Variants in PPP1R13B observed in about 807,000 individuals in gnomAD.
PPP1R13B encodes the protein apoptosis-stimulating of p53 protein 1.
Under a neutral mutation model 119.8 loss-of-function variants are expected in PPP1R13B, and 44 were observed. That is an observed-to-expected ratio of 0.37 (90% CI 0.29 to 0.47). The LOEUF (loss-of-function observed/expected upper bound fraction) is 0.47. PPP1R13B is among the 20% of genes least tolerant of loss of function. The probability of loss-of-function intolerance (pLI) is 0.99; values close to 1 mark genes in which losing one functional copy is unlikely to be tolerated. For synonymous variants in PPP1R13B, 542 were observed against 561.5 expected, an observed-to-expected ratio of 0.97 and a Z score of 0.49; for missense variants, 1,227 against 1,413.5, an observed-to-expected ratio of 0.87 and a Z score of 2.12.
Position 103,740,617 on chromosome 14 carries a change from C to A in PPP1R13B, c.1823-24G>T, listed in dbSNP as rs375483098. 6 of 1,484,562 alleles carry A rather than the reference C, an allele frequency of 4.0e-6. No individual in the cohort carries two copies. Among genetic ancestry groups the A allele is most frequent in the South Asian group, 1.4e-5 (1 of 71,532 alleles). 92.0% of individuals were successfully genotyped at this position (1,484,562 alleles called of 1,614,324 possible). A position where few individuals can be genotyped will look rare whatever the true frequency, so the allele number is the denominator to read the frequency against. ...CACTGGGGAAGACACAAAGGACAGGCAATTTTGACCTCACTACAGAGATCT... is the reference window on the plus strand; with the variant it reads ...CACTGGGGAAGACACAAAGGACAGGAAATTTTGACCTCACTACAGAGATCT... On this transcript the variant is annotated intron_variant, in intron 11 of 16. Coordinates refer to ENST00000202556, the MANE Select transcript of PPP1R13B (RefSeq NM_015316.3). The surrounding 1 kb of genome is among the most constrained non-coding windows in gnomAD (Gnocchi z 4.6).
In PPP1R13B at chr14:103,778,815, C is replaced by G; in HGVS notation, c.284G>C (p.Arg95Pro). 6.2e-7 allele frequency: 1 copy of G among 1,613,474 alleles called. No homozygotes were observed. Residue 95 changes from arginine (R) to proline (P), a missense_variant, in exon 4 of 17, where the codon CGT (arginine) becomes CCT (proline). Coordinates refer to ENST00000202556, the MANE Select transcript of PPP1R13B (RefSeq NM_015316.3). Reference protein sequence around the residue: ...SPTENSEQGGRQTQEQRTQRN... With the variant: ...SPTENSEQGGPQTQEQRTQRN... ...CTGAGTTCGTTGCTCTTGGGTCTGA[C>G]GGCCACCTAAAGAAATAAAAGAACC...
chr14:103,749,265 T>C (rs2084476959), intron 8 of PPP1R13B, among the ~76,000 whole-genome samples: 1 of 152,238 alleles, frequency 6.6e-6, no homozygotes, highest in Non-Finnish European at 1.5e-5. Context: ...TTACTACCTT[T>C]AAAATTCAGT....
Position 103,737,762 on chromosome 14 carries a change from A to C in PPP1R13B, c.2963T>G (p.Ile988Ser). Residue 988 changes from isoleucine to serine, a missense_variant, in exon 15 of 17, where the codon ATT (isoleucine) becomes AGT (serine). Physicochemically the swap from Ile to Ser is moderately radical, Grantham distance 142. Transcript: ENST00000202556. Reference sequence around the variant, plus strand: ...CTCACACTTGTCTGCAGCAGTTTCAATGTCGCTTATGGTTGAGGCAAAAAT... The same window carrying C: ...CTCACACTTGTCTGCAGCAGTTTCACTGTCGCTTATGGTTGAGGCAAAAAT... ...AAIFASTISD[I>S]ETAADKCEEM... 6.2e-7 allele frequency: 1 copy of C among 1,614,208 alleles called. No homozygotes were observed. The highest frequency in any genetic ancestry group is 1.1e-5 in the South Asian group (1 of 91,084).
At chr14:103,758,633 G>T (rs1464329427) in intron 4 of PPP1R13B, among the ~76,000 whole-genome samples, 1 of 152,172 alleles carries the variant, frequency 6.6e-6, no homozygotes, top group Non-Finnish European at 1.5e-5. Context: ...CCCCACTCTG[G>T]GTGAGGAGCT....
intron 4 of PPP1R13B, among the ~76,000 whole-genome samples, chr14:103,777,873 C>A (rs1022255384): frequency 1.3e-5 from 2 of 151,490 alleles, no homozygotes; most frequent in African/African-American, 4.9e-5. Context: ...TGACTCATGG[C>A]AGCCTCAAAC....
intron 1 of PPP1R13B, among the ~76,000 whole-genome samples, chr14:103,819,520 A>C (rs560053206): frequency 2.6e-5 from 4 of 151,968 alleles, no homozygotes; most frequent in South Asian, 2.1e-4. Context: ...AACAAACAAA[A>C]AAAAACAACA....
intron 4 of PPP1R13B, among the ~76,000 whole-genome samples, chr14:103,762,461 G>A (rs943377510): frequency 8.6e-6 from 1 of 116,726 alleles, no homozygotes; most frequent in African/African-American, 3.2e-5. Context: ...GGTGGGGGGA[G>A]GGGAGAGGGA....
chr14:103,749,877 A>G lies in PPP1R13B; in HGVS notation c.886T>C (p.Leu296=), dbSNP rs1004889156. The G allele has an allele frequency of 3.7e-6, 6 of 1,614,078 alleles. No individual in the cohort carries two copies. In the African/African-American group the frequency reaches 8.0e-5, roughly 22 times the overall value. ...NSKLQQQKEL[L]NKRNMEVAMM... is the part of the protein sequence containing the mutation. ...GCCACCTCCATGTTGCGCTTATTTA[A>G]GAGTTCCTTCTGCTGCTGAAGTTTT... Residue 296 remains leucine (L), a synonymous_variant, in exon 8 of 17, where the codon TTA becomes CTA. Coordinates refer to ENST00000202556, the MANE Select transcript of PPP1R13B (RefSeq NM_015316.3).
At chr14:103,795,386 A>C (rs722637) in intron 2 of PPP1R13B, among the ~76,000 whole-genome samples, 49,724 of 151,964 alleles carry the variant, frequency 0.33, 8,342 homozygotes, top group Non-Finnish European at 0.35. Flanking sequence ...GAGCATGTAC[A>C]AAAGCCACGG....
At chr14:103,737,610 A>C (rs1211429079) in intron 15 of PPP1R13B, 84 bp downstream of exon 15, 4 of 1,492,334 alleles carry the variant, frequency 2.7e-6, no homozygotes, top group Non-Finnish European at 3.6e-6. Context: ...AGCTGTGCTG[A>C]AGCTTCTCTG....
chr14:103,839,202 C>T (rs1031562242), intron 1 of PPP1R13B, among the ~76,000 whole-genome samples: 1 of 151,938 alleles, frequency 6.6e-6, no homozygotes, highest in Non-Finnish European at 1.5e-5. Context: ...TTAGTAGAGA[C>T]GGGATTTCAC....
At chr14:103,782,195 CAGAT>C (rs1353226624) in intron 3 of PPP1R13B, among the ~76,000 whole-genome samples, 2 of 152,126 alleles carry the variant, frequency 1.3e-5, no homozygotes, top group Non-Finnish European at 2.9e-5. Context: ...CACATACAAA[CAGAT>C]AGATATGCAC....
intron 4 of PPP1R13B, among the ~76,000 whole-genome samples, chr14:103,774,355 C>G (rs1321015586): frequency 2.6e-5 from 4 of 152,298 alleles, no homozygotes; most frequent in African/African-American, 9.6e-5. Context: ...CTTTGCTGAT[C>G]TGGCTCTGAA....
rs188914428 is a variant in PPP1R13B, at chr14:103,830,189, G to A, written c.9+17110C>T. The stretch of plus-strand genomic sequence containing the variant: ...CAGCTCACTGCAACCTCTGCCTCCC[G>A]AGTTCAACTGATTCTCTTGCCTTAG... On this transcript the variant is annotated intron_variant, in intron 1 of 16. Transcript: ENST00000202556. Among the ~76,000 whole-genome samples, 501 of 152,048 alleles carry A rather than the reference G, an allele frequency of 3.3e-3. 2 individuals are homozygous for A. The highest frequency in any genetic ancestry group is 0.011 in the African/African-American group (471 of 41,476).
rs1386131879 is a variant in PPP1R13B, at chr14:103,740,790, G to A, written c.1823-197C>T. On this transcript the variant is annotated intron_variant, in intron 11 of 16. Transcript: ENST00000202556. This position sits in a 1 kb window ranked among gnomAD's most constrained non-coding sequence, Gnocchi z 4.6. ...ACTGACTCCTTCTGAAAGGTGCAGT[G>A]CCTCTCTAATGTGTCGGTTTTTACA... Among the ~76,000 whole-genome samples the A allele has an allele frequency of 6.6e-6, 1 of 152,182 alleles. No individual in the cohort carries two copies. The highest frequency in any genetic ancestry group is 1.5e-5 in the Non-Finnish European group (1 of 68,040).
chr14:103,780,996 C>T (rs957553812), intron 3 of PPP1R13B, among the ~76,000 whole-genome samples: 10 of 151,874 alleles, frequency 6.6e-5, no homozygotes, highest in African/African-American at 2.2e-4. Flanking sequence ...AATTCTGAGT[C>T]GGGGCATGAA....
chr14:103,751,724 C>A (rs2084553046), intron 7 of PPP1R13B, among the ~76,000 whole-genome samples: 1 of 152,218 alleles, frequency 6.6e-6, no homozygotes. Flanking sequence ...CGGCTCTCTG[C>A]AAGCCAGGGA....
Position 103,740,328 on chromosome 14 carries a change from C to G in PPP1R13B, c.2088G>C (p.Arg696Ser). The change falls in exon 12 of 17, where the codon AGG (arginine) becomes AGC (serine). Residue 696 changes from arginine to serine, a missense_variant. By Grantham distance (110) the Arg-to-Ser change is moderately radical. Transcript: ENST00000202556. The surrounding 1 kb of genome is among the most constrained non-coding windows in gnomAD (Gnocchi z 4.6). ...QSDADLEALR[R>S]KLANAPRPLK... The stretch of plus-strand genomic sequence containing the variant: ...GGGGCCGGGGCGCGTTGGCCAGCTT[C>G]CTGCGGAGGGCCTCCAGGTCTGCAT... 4 of 1,569,836 alleles carry G rather than the reference C, an allele frequency of 2.5e-6. No individual in the cohort carries two copies. Among genetic ancestry groups the G allele is most frequent in the Non-Finnish European group, 3.5e-6 (4 of 1,157,780 alleles).
rs2084148844 is a variant in PPP1R13B at position 103,737,733 on chromosome 14, T to A, written c.2992A>T (p.Met998Leu). ...IETAADKCEE[M>L]EEGYIQCSQF... ...GAGCACTGGATGTAGCCTTCCTCCA[T>A]CTCCTCACACTTGTCTGCAGCAGTT... The change falls in exon 15 of 17, where the codon ATG (methionine) becomes TTG (leucine). Residue 998 changes from methionine (M) to leucine (L), a missense_variant. Physicochemically the swap from Met to Leu is conservative, Grantham distance 15. Coordinates refer to ENST00000202556, the MANE Select transcript of PPP1R13B (RefSeq NM_015316.3). 1 of 1,614,210 alleles carries A rather than the reference T, an allele frequency of 6.2e-7. No individual in the cohort carries two copies. The highest frequency in any genetic ancestry group is 1.3e-5 in the African/African-American group (1 of 75,048).
Sources: allele counts gnomAD v4.1 joint callset (sites outside exome capture counted in the v4.1 genomes callset), GRCh38; gene constraint gnomAD v4.1.1; non-coding constraint Gnocchi (gnomAD v3.1); transcripts MANE v1.5; gene names NCBI Gene and HGNC (gene_info 2026-07-23, HGNC 2026-07-21).